COL18A1: variants seen among roughly 807,000 people sequenced by gnomAD.
The protein encoded by COL18A1 is collagen type XVIII alpha 1 chain, also known as collagen alpha-1(XVIII) chain.
In COL18A1, 133 loss-of-function variants were observed where a neutral mutation model predicts 168.0. The observed-to-expected ratio is 0.79, with a 90% CI of 0.69 to 0.91. COL18A1 has a LOEUF of 0.91. COL18A1 is among the 40% of genes least tolerant of loss of function. The pLI is 0.00. For missense variants in COL18A1, 2,126 were observed against 1,925.4 expected (o/e 1.10, Z -1.95); for synonymous variants, 949 against 809.0 (o/e 1.17, Z -2.94).
At chr21:45,467,450 G>A (rs1387557675) in intron 2 of COL18A1, 15 of 985,008 alleles carry the variant, frequency 1.5e-5, no homozygotes, top group Non-Finnish European at 1.8e-5. Flanking sequence ...CCCTCCAAGG[G>A]GTGATTGTGG....
chr21:45,508,258 A>T (rs1568948481), intron 38 of COL18A1, among the ~76,000 whole-genome samples: 1 of 141,324 alleles, frequency 7.1e-6, no homozygotes, highest in Admixed American at 7.0e-5. Context: ...GATGGTGGAC[A>T]GGTGGGTGAG....
At chr21:45,429,082 T>C (rs2033885423) in intron 2 of COL18A1, among the ~76,000 whole-genome samples, 1 of 151,988 alleles carries the variant, frequency 6.6e-6, no homozygotes, top group South Asian at 2.1e-4. Flanking sequence ...TTTGTATTTT[T>C]AGTAGAGATG....
Position 45,405,435 on chromosome 21 carries a change from T to C in COL18A1, c.68T>C (p.Val23Ala). The change falls in exon 2 of 42, where the codon GTC (valine) becomes GCC (alanine). Residue 23 changes from valine (V) to alanine (A), a missense_variant. Physicochemically the swap from Val to Ala is moderately conservative, Grantham distance 64 (BLOSUM62 0). Coordinates refer to ENST00000651438, the MANE Select transcript of COL18A1 (RefSeq NM_001379500.1). ...RRLLDVLAPL[V>A]LLLGVRAASA... is the part of the protein sequence containing the mutation. ...CTCCTGGACGTGCTCGCGCCCCTGG[T>C]CCTGCTGCTCGGGGTCCGCGCGGCC... 1 of 1,375,492 alleles carries C rather than the reference T, an allele frequency of 7.3e-7. No homozygotes were observed. The highest frequency in any genetic ancestry group is 9.5e-7 in the Non-Finnish European group (1 of 1,056,564). 85.2% of individuals were successfully genotyped at this position (1,375,492 alleles called of 1,614,324 possible). A position where few individuals can be genotyped will look rare whatever the true frequency, so the allele number is the denominator to read the frequency against.
chr21:45,456,347 G>A (rs748461576), intron 2 of COL18A1: 16 of 1,550,456 alleles, frequency 1.0e-5, no homozygotes, highest in Middle Eastern at 1.7e-4. Context: ...GGGCTCCCTG[G>A]GCAAGCACGC....
chr21:45,511,354 T>C (rs2037598286), intron 41 of COL18A1, 128 bp downstream of exon 41: 1 of 686,312 alleles, frequency 1.5e-6, no homozygotes, highest in Non-Finnish European at 2.7e-6. Context: ...ACTTTAAAAT[T>C]ACAAAATCCA....
At chr21:45,410,738 A>T (rs1333966531) in intron 2 of COL18A1, among the ~76,000 whole-genome samples, 1 of 152,230 alleles carries the variant, frequency 6.6e-6, no homozygotes, top group Non-Finnish European at 1.5e-5. Flanking sequence ...ACCTGCCAGC[A>T]CAGCTGCTCC....
chr21:45,473,265 G>A lies in COL18A1; in HGVS notation c.652-630G>A, dbSNP rs1470953556. Among the ~76,000 whole-genome samples the A allele has an allele frequency of 1.3e-5, 2 of 152,252 alleles. No homozygotes were observed. The highest frequency in any genetic ancestry group is 4.8e-5 in the African/African-American group (2 of 41,476). ...CCGAGAGGGCAGGGTCAGGCACCCT[G>A]GCACTCAGCCCAGGACTGAAGATGC... On this transcript the variant is annotated intron_variant, in intron 3 of 41. Transcript: ENST00000651438. The surrounding 1 kb of genome is among the most constrained non-coding windows in gnomAD (Gnocchi z 4.0).
intron 2 of COL18A1, among the ~76,000 whole-genome samples, chr21:45,426,948 G>T (rs2033823162): frequency 6.6e-6 from 1 of 152,192 alleles, no homozygotes; most frequent in South Asian, 2.1e-4. Flanking sequence ...CGTGCACACA[G>T]GTGCTCTCAG....
At chr21:45,506,811 A>G (rs1165115531) in intron 37 of COL18A1, 1 of 154,592 alleles carries the variant, frequency 6.5e-6, no homozygotes, top group African/African-American at 2.7e-5. Context: ...CCTTCCCTCT[A>G]GCACTCCCTC....
At chr21:45,411,481 C>G (rs951989351) in intron 2 of COL18A1, among the ~76,000 whole-genome samples, 1 of 152,026 alleles carries the variant, frequency 6.6e-6, no homozygotes, top group African/African-American at 2.4e-5. Flanking sequence ...CGTGCCTGCC[C>G]GAGAAGAGAA....
Position 45,474,263 on chromosome 21 carries a change from GTC to G in COL18A1, c.738+284_738+285del, listed in dbSNP as rs1491086372. On this transcript the variant is annotated intron_variant, in intron 4 of 41. Transcript: ENST00000651438. ...GCAGCTCAGCAAAGTGTGTGTGTGT[GTC>G]TGTGTCTGTGTGGTGTGTCTCTGTG... is the stretch of plus-strand genomic sequence containing the variant. Among the ~76,000 whole-genome samples, 535 of 148,292 alleles carry G rather than the reference GTC, an allele frequency of 3.6e-3. 5 individuals are homozygous for G. The highest frequency in any genetic ancestry group is 0.013 in the African/African-American group (518 of 38,544).
chr21:45,484,424 ATG>A (rs1411574532), intron 15 of COL18A1, among the ~76,000 whole-genome samples: 2 of 144,282 alleles, frequency 1.4e-5, no homozygotes, highest in African/African-American at 2.7e-5. Flanking sequence ...TCTCCAGCAT[ATG>A]TGAGCACACA....
rs1353263810 is a variant in COL18A1 at position 45,480,490 on chromosome 21, T to C, written c.1422T>C (p.Ser474=). The C allele has an allele frequency of 6.2e-7, 1 of 1,614,034 alleles. No individual in the cohort carries two copies. ...AGACCTTCATTGACATGGAGGGATCTGGCTTCGGGGGCGATCTGGAGGCCC... is the reference window on the plus strand; with the variant it reads ...AGACCTTCATTGACATGGAGGGATCCGGCTTCGGGGGCGATCTGGAGGCCC... ...DKLTFIDMEG[S]GFGGDLEALR... is the part of the protein sequence containing the mutation. Residue 474 remains serine (S), a synonymous_variant, in exon 12 of 42, where the codon TCT becomes TCC. Coordinates refer to ENST00000651438, the MANE Select transcript of COL18A1 (RefSeq NM_001379500.1).
chr21:45,475,561 C>T lies in COL18A1; in HGVS notation c.798+26C>T, dbSNP rs115124385. Reference sequence around the variant, plus strand: ...GTGAGTAGCCGGACGGGGCCCAGCCCACGCTGCAGGGTCCCGGGAGAGCCC... The same window carrying T: ...GTGAGTAGCCGGACGGGGCCCAGCCTACGCTGCAGGGTCCCGGGAGAGCCC... On this transcript the variant is annotated intron_variant, in intron 5 of 41. Transcript: ENST00000651438. The T allele has an allele frequency of 2.1e-3, 3,355 of 1,592,810 alleles. 73 individuals are homozygous for T. The African/African-American group carries it at 0.039, about 18-fold the overall frequency.
chr21:45,449,691 C>A (rs1201146414), intron 2 of COL18A1, among the ~76,000 whole-genome samples: 1 of 152,162 alleles, frequency 6.6e-6, no homozygotes, highest in East Asian at 1.9e-4. Context: ...TGTTTGGTGA[C>A]AGGGGAGTGC....
chr21:45,479,789 C>A, intron 9 of COL18A1, 113 bp from the exon 10 acceptor site: 2 of 1,480,026 alleles, frequency 1.4e-6, no homozygotes, highest in Non-Finnish European at 9.2e-7. Context: ...CAGAGACTCC[C>A]CTGAAGGGCT....
At chr21:45,406,403 T>C (rs1024475499) in intron 2 of COL18A1, among the ~76,000 whole-genome samples, 4 of 152,216 alleles carry the variant, frequency 2.6e-5, no homozygotes, top group Non-Finnish European at 4.4e-5. Context: ...AATAATTTGT[T>C]TCATTGTTTC....
At position 45,512,481 on chromosome 21, in the gene COL18A1, C is replaced by G; in HGVS notation, c.*83C>G. 2 of 1,364,986 alleles carry G rather than the reference C, an allele frequency of 1.5e-6. No homozygotes were observed. The highest frequency in any genetic ancestry group is 2.0e-6 in the Non-Finnish European group (2 of 978,648). The allele number at this position is 1,364,986 out of a possible 1,614,324, so 84.6% of individuals were successfully genotyped here. A position where few individuals can be genotyped will look rare whatever the true frequency, so the allele number is the denominator to read the frequency against. On this transcript the variant is annotated 3_prime_UTR_variant, in exon 42 of 42. Transcript: ENST00000651438. ...GTGGGCAGGGAGCGGCCGGCCAGCC[C>G]CTGGCCCCAGGACCTGGCTGCCATA...
chr21:45,465,965 G>A (rs1425995607), intron 2 of COL18A1, among the ~76,000 whole-genome samples: 1 of 152,188 alleles, frequency 6.6e-6, no homozygotes. Flanking sequence ...GGCTCTTGGT[G>A]GAGAGCCCAG....
Sources: gnomAD v4.1 joint callset for allele counts (sites outside exome capture counted in the v4.1 genomes callset) on GRCh38, gnomAD v4.1.1 for gene constraint, Gnocchi (gnomAD v3.1) non-coding constraint, MANE v1.5 for transcripts, NCBI Gene and HGNC (gene_info 2026-07-23, HGNC 2026-07-21) for gene names.